Variants in HORMAD2 observed in about 807,000 individuals in gnomAD.
The protein encoded by HORMAD2 is HORMA domain containing 2, also known as HORMA domain-containing protein 2.
HORMAD2 carries 45 observed loss-of-function variants against 38.8 expected under a neutral mutation model. The ratio of observed to expected loss-of-function variants is 1.16; its 90% CI spans 0.91 to 1.49. The LOEUF (loss-of-function observed/expected upper bound fraction) is 1.49. HORMAD2 is among the 40% of genes most tolerant of loss of function. The pLI is 0.00. For missense variants in HORMAD2, 338 were observed against 367.0 expected, an observed-to-expected ratio of 0.92 and a Z score of 0.65; for synonymous variants, 126 against 122.8, an observed-to-expected ratio of 1.03 and a Z score of -0.17.
intron 10 of HORMAD2, among the ~76,000 whole-genome samples, chr22:30,127,952 A>G (rs1923000936): frequency 6.6e-6 from 1 of 152,080 alleles, no homozygotes. Context: ...TAGCGCTGTT[A>G]CCACTGTGCT....
chr22:30,145,721 T>C (rs539249427), intron 10 of HORMAD2, among the ~76,000 whole-genome samples: 1 of 152,332 alleles, frequency 6.6e-6, no homozygotes, highest in Admixed American at 6.5e-5. Context: ...CAGTCTAAGC[T>C]GTGTGTAATT....
chr22:30,141,888 C>A (rs534508894), intron 10 of HORMAD2, among the ~76,000 whole-genome samples: 3 of 152,254 alleles, frequency 2.0e-5, no homozygotes, highest in African/African-American at 7.2e-5. Context: ...AGCCACTGCG[C>A]CCAGCCGAAC....
intron 8 of HORMAD2, 35 bp from the exon 9 acceptor site, chr22:30,121,597 A>T: frequency 6.6e-7 from 1 of 1,519,880 alleles, no homozygotes; most frequent in Non-Finnish European, 8.8e-7. Context: ...CCACTATTGT[A>T]TATGATCAAA....
chr22:30,103,480 G>A lies in HORMAD2; in HGVS notation c.237G>A (p.Gly79=). The stretch of plus-strand genomic sequence containing the variant: ...TCCGAGAAGATAAAAAATGTCCCGG[G>A]TCACTGCATATTATCAGATGGTAAG... The part of the protein sequence containing the change: ...KILREDKKCP[G]SLHIIRWIQG... Residue 79 remains glycine (G), a synonymous_variant, in exon 4 of 11, where the codon GGG becomes GGA. Coordinates refer to ENST00000336726, the MANE Select transcript of HORMAD2 (RefSeq NM_152510.4). 1 of 1,529,684 alleles carries A rather than the reference G, an allele frequency of 6.5e-7. No individual in the cohort carries two copies. Among genetic ancestry groups the A allele is most frequent in the African/African-American group, 1.4e-5 (1 of 72,416 alleles). 94.8% of individuals were successfully genotyped at this position (1,529,684 alleles called of 1,614,324 possible).
the HORMAD2 span, among the ~76,000 whole-genome samples, chr22:30,206,050 G>A: frequency 3.9e-5 from 6 of 152,140 alleles, no homozygotes; most frequent in East Asian, 9.7e-4. Context: ...AGCAACTCTC[G>A]CGTGCTCAGT....
intron 10 of HORMAD2, among the ~76,000 whole-genome samples, chr22:30,147,499 C>T (rs907944656): frequency 6.6e-6 from 1 of 151,780 alleles, no homozygotes; most frequent in African/African-American, 2.4e-5. Flanking sequence ...CACATAAGAG[C>T]TAAAATTATA....
At chr22:30,078,331 C>G (rs1385512684), upstream of HORMAD2, among the ~76,000 whole-genome samples, 4 of 151,890 alleles carry the variant, frequency 2.6e-5, no homozygotes, top group Non-Finnish European at 5.9e-5. Flanking sequence ...CATGGCTGGG[C>G]TTGGGGGCTC....
chr22:30,127,199 C>CTTTT lies in HORMAD2; in HGVS notation c.819+5009_819+5012dup, dbSNP rs757608874. 3.5e-4 allele frequency among the ~76,000 whole-genome samples: 28 copies of CTTTT among 79,818 alleles called. 4 individuals carry two copies. Among genetic ancestry groups the CTTTT allele is most frequent in the African/African-American group, 6.3e-4 (13 of 20,528 alleles). 52.4% of individuals were successfully genotyped at this position (79,818 alleles called of 152,430 possible). A position where few individuals can be genotyped will look rare whatever the true frequency, so the allele number is the denominator to read the frequency against. ...ATGAGGTGTTTTATAAACAGAAGTT[C>CTTTT]TTTTTTTTTTTTTTTTTTTTTTTTT... On this transcript the variant is annotated intron_variant, in intron 10 of 10. Coordinates refer to ENST00000336726, the MANE Select transcript of HORMAD2 (RefSeq NM_152510.4).
intron 3 of HORMAD2, among the ~76,000 whole-genome samples, chr22:30,102,190 T>C (rs1384478344): frequency 6.6e-6 from 1 of 152,254 alleles, no homozygotes; most frequent in Non-Finnish European, 1.5e-5. Context: ...TTTTGGTCTA[T>C]GAGATACAAA....
At chr22:30,144,442 T>C (rs909909209) in intron 10 of HORMAD2, among the ~76,000 whole-genome samples, 2 of 152,238 alleles carry the variant, frequency 1.3e-5, no homozygotes, top group Admixed American at 1.3e-4. Context: ...GAGCATGTCC[T>C]TATCCTTGAA....
At chr22:30,201,503 G>A in the HORMAD2 span, among the ~76,000 whole-genome samples, 24 of 139,232 alleles carry the variant, frequency 1.7e-4, no homozygotes, top group African/African-American at 6.2e-4. Flanking sequence ...TGCAGGCTCC[G>A]CCCCGCGGGG....
chr22:30,080,278 G>C (rs1037174853), upstream of HORMAD2: 5 of 152,440 alleles, frequency 3.3e-5, no homozygotes, highest in African/African-American at 1.2e-4. Context: ...GCGGGCTAGG[G>C]GCCGGCTAGC....
chr22:30,119,651 G>A (rs1185153832), intron 8 of HORMAD2, among the ~76,000 whole-genome samples: 1 of 152,170 alleles, frequency 6.6e-6, no homozygotes, highest in African/African-American at 2.4e-5. Flanking sequence ...GACCTGCCAG[G>A]GGGGATGGAG....
intron 10 of HORMAD2, among the ~76,000 whole-genome samples, chr22:30,169,711 G>A (rs375350129): frequency 9.2e-5 from 14 of 152,192 alleles, no homozygotes; most frequent in South Asian, 2.1e-4. Flanking sequence ...CATCTAATTC[G>A]GAATCTTAAA....
the HORMAD2 span, among the ~76,000 whole-genome samples, chr22:30,200,201 G>A: frequency 1.3e-5 from 2 of 151,812 alleles, no homozygotes; most frequent in African/African-American, 4.8e-5. Context: ...ATAGGCGTCA[G>A]CCACCATGCC....
intron 5 of HORMAD2, among the ~76,000 whole-genome samples, chr22:30,106,660 G>C (rs1480234579): frequency 6.6e-6 from 1 of 152,140 alleles, no homozygotes. Flanking sequence ...AATATAGTTA[G>C]AACTTCAAGT....
At chr22:30,198,616 A>G in the HORMAD2 span, among the ~76,000 whole-genome samples, 1 of 152,000 alleles carries the variant, frequency 6.6e-6, no homozygotes, top group Non-Finnish European at 1.5e-5. Flanking sequence ...GCTCTGTAAA[A>G]TTGAGCCACA....
At chr22:30,110,538 G>A (rs568200874) in intron 5 of HORMAD2, among the ~76,000 whole-genome samples, 53 of 151,804 alleles carry the variant, frequency 3.5e-4, no homozygotes, top group South Asian at 2.1e-3. Flanking sequence ...GGCACAAGCC[G>A]CCATGCCTGG....
chr22:30,078,466 C>G (rs2068411781), upstream of HORMAD2, among the ~76,000 whole-genome samples: 2 of 151,370 alleles, frequency 1.3e-5, no homozygotes, highest in Admixed American at 6.6e-5. Flanking sequence ...ATCAGCCGGG[C>G]ATGGTGATGC....
Sources: gnomAD v4.1 joint callset for allele counts (sites outside exome capture counted in the v4.1 genomes callset) on GRCh38, gnomAD v4.1.1 for gene constraint, MANE v1.5 for transcripts, NCBI Gene and HGNC (gene_info 2026-07-23, HGNC 2026-07-21) for gene names.